Variants in ARMC2 observed in about 807,000 individuals in gnomAD.
The protein encoded by ARMC2 is armadillo repeat containing 2, also known as armadillo repeat-containing protein 2.
Under a neutral mutation model 90.3 loss-of-function variants are expected in ARMC2, and 67 were observed. The observed-to-expected ratio is 0.74, with a 90% CI of 0.61 to 0.91. ARMC2 has a LOEUF of 0.91. Among genes scored for constraint, ARMC2 ranks in the 40% least tolerant of loss-of-function variants. The pLI, the probability that ARMC2 is intolerant of heterozygous loss-of-function variation, is 0.00. For synonymous variants in ARMC2, 393 were observed against 393.0 expected, an observed-to-expected ratio of 1.00 and a Z score of 0.00; for missense variants, 920 against 1,030.9, an observed-to-expected ratio of 0.89 and a Z score of 1.47.
At chr6:108,987,748 G>A in the ARMC2 span, 1 of 503,584 alleles carries the variant, frequency 2.0e-6, no homozygotes, top group South Asian at 3.0e-5. Context: ...ATGTAGTACA[G>A]CATAACTTAG....
chr6:108,988,389 C>T, the ARMC2 span: 1 of 573,390 alleles, frequency 1.7e-6, no homozygotes, highest in Non-Finnish European at 2.9e-6. Context: ...TAATCAGGTT[C>T]CCTTCTGAAG....
intron 13 of ARMC2, among the ~76,000 whole-genome samples, chr6:108,955,856 G>A (rs1186838228): frequency 6.6e-6 from 1 of 152,206 alleles, no homozygotes; most frequent in African/African-American, 2.4e-5. Flanking sequence ...ACTGAGCAGG[G>A]CTTCTCAGCC....
intron 11 of ARMC2, among the ~76,000 whole-genome samples, chr6:108,934,800 CTTA>C (rs1195817434): frequency 6.6e-6 from 1 of 152,132 alleles, no homozygotes; most frequent in Non-Finnish European, 1.5e-5. Context: ...CAACTATTCT[CTTA>C]TTATTATTCT....
chr6:108,943,995 A>G (rs1156608576), intron 12 of ARMC2, among the ~76,000 whole-genome samples: 1 of 152,202 alleles, frequency 6.6e-6, no homozygotes, highest in Non-Finnish European at 1.5e-5. Flanking sequence ...CCAAGAACCT[A>G]TTTTTAAGAG....
At chr6:108,932,073 A>G (rs2128489603) in intron 11 of ARMC2, among the ~76,000 whole-genome samples, 1 of 151,974 alleles carries the variant, frequency 6.6e-6, no homozygotes, top group Admixed American at 6.5e-5. Context: ...CCCTTTGCCC[A>G]CTTTTTGGTG....
chr6:108,977,752 T>C (rs574401752), downstream of ARMC2, among the ~76,000 whole-genome samples: 14 of 152,348 alleles, frequency 9.2e-5, no homozygotes, highest in African/African-American at 3.4e-4. Context: ...CAGCAATTTA[T>C]CCATTTCTTC....
chr6:109,051,848 G>A, the ARMC2 span, among the ~76,000 whole-genome samples: 36 of 152,134 alleles, frequency 2.4e-4, no homozygotes, highest in Non-Finnish European at 4.6e-4. Context: ...GAAGACAGTC[G>A]AACAAAGGCA....
At chr6:108,932,074 C>T (rs1027763113) in intron 11 of ARMC2, among the ~76,000 whole-genome samples, 1 of 151,888 alleles carries the variant, frequency 6.6e-6, no homozygotes, top group Non-Finnish European at 1.5e-5. Context: ...CCTTTGCCCA[C>T]TTTTTGGTGG....
the ARMC2 span, among the ~76,000 whole-genome samples, chr6:109,005,197 A>G: frequency 1.3e-5 from 2 of 152,354 alleles, no homozygotes; most frequent in East Asian, 1.9e-4. Flanking sequence ...CTGTTTCAAT[A>G]AAGTTCAGCA....
At chr6:108,985,755 A>ACTAT in the ARMC2 span, among the ~76,000 whole-genome samples, 97 of 152,288 alleles carry the variant, frequency 6.4e-4, 1 homozygote, top group African/African-American at 1.8e-3. Context: ...TAAAATTTTA[A>ACTAT]CTATCTTCTT....
chr6:108,879,384 C>T (rs1777275408), intron 5 of ARMC2, among the ~76,000 whole-genome samples: 1 of 151,714 alleles, frequency 6.6e-6, no homozygotes. Flanking sequence ...TCCACCCATC[C>T]ATTCATCCAT....
chr6:108,931,167 A>G (rs956083606), intron 11 of ARMC2, among the ~76,000 whole-genome samples: 21 of 151,770 alleles, frequency 1.4e-4, no homozygotes, highest in Non-Finnish European at 2.1e-4. Flanking sequence ...AAGTGAGAAC[A>G]TGTGGTATTT....
intron 12 of ARMC2, among the ~76,000 whole-genome samples, chr6:108,946,859 C>T (rs1362875491): frequency 3.9e-5 from 6 of 152,256 alleles, no homozygotes; most frequent in Non-Finnish European, 2.9e-5. Flanking sequence ...ACATTATGCA[C>T]ATGAGTTATT....
rs1033572838 is a variant in ARMC2, at chr6:108,852,740, A to G, written c.-43-1485A>G. 5.3e-5 allele frequency among the ~76,000 whole-genome samples: 8 copies of G among 152,128 alleles called. No individual in the cohort carries two copies. The East Asian group carries it at 1.5e-3, about 29-fold the overall frequency. On this transcript the variant is annotated intron_variant, in intron 1 of 17. Transcript: ENST00000392644. ...GCCATGTGAGGCCAAAGGGGTGGCA[A>G]ACCTGATTTAGGCTCTGGAAGAAGC...
chr6:108,901,591 A>AT (rs1772169829), intron 7 of ARMC2, among the ~76,000 whole-genome samples: 1 of 144,938 alleles, frequency 6.9e-6, no homozygotes, highest in Non-Finnish European at 1.5e-5. Flanking sequence ...AATTTTTTGT[A>AT]TTTTTTGTAG....
At chr6:109,006,773 T>C in the ARMC2 span, among the ~76,000 whole-genome samples, 1 of 152,316 alleles carries the variant, frequency 6.6e-6, no homozygotes, top group Admixed American at 6.5e-5. Flanking sequence ...TGGTTACAAC[T>C]CTTTTCTAGT....
At chr6:108,956,853 A>G (rs766132861) in intron 13 of ARMC2, among the ~76,000 whole-genome samples, 1 of 151,818 alleles carries the variant, frequency 6.6e-6, no homozygotes, top group Non-Finnish European at 1.5e-5. Context: ...TTAGCCAGGC[A>G]TGGTGGCACG....
intron 5 of ARMC2, among the ~76,000 whole-genome samples, chr6:108,879,215 C>T (rs778574663): frequency 6.7e-6 from 1 of 149,452 alleles, no homozygotes; most frequent in African/African-American, 2.5e-5. Flanking sequence ...TACCCATCCA[C>T]CCATCCATAT....
chr6:108,866,967 G>A (rs1775882005), intron 3 of ARMC2, among the ~76,000 whole-genome samples: 1 of 151,962 alleles, frequency 6.6e-6, no homozygotes, highest in African/African-American at 2.4e-5. Context: ...GGGAAAACAA[G>A]TGTTTGGGAT....
Sources: allele counts gnomAD v4.1 joint callset (sites outside exome capture counted in the v4.1 genomes callset), GRCh38; gene constraint gnomAD v4.1.1; transcripts MANE v1.5; gene names NCBI Gene and HGNC (gene_info 2026-07-23, HGNC 2026-07-21).